Variants in SH3GL3 observed in about 807,000 individuals in gnomAD.
The protein encoded by SH3GL3 is SH3 domain containing GRB2 like 3, endophilin A3.
In SH3GL3, 33 loss-of-function variants were observed where a neutral mutation model predicts 47.7. That is an observed-to-expected ratio of 0.69 (90% CI 0.52 to 0.92). The LOEUF is 0.92. SH3GL3 is among the 40% of genes least tolerant of loss of function. SH3GL3 has a pLI of 0.00. For missense variants in SH3GL3, 363 were observed against 417.8 expected (o/e 0.87, Z 1.14); for synonymous variants, 155 against 148.8 (o/e 1.04, Z -0.30).
At chr15:83,615,712 A>G (rs1653110919) in intron 8 of SH3GL3, among the ~76,000 whole-genome samples, 1 of 152,234 alleles carries the variant, frequency 6.6e-6, no homozygotes, top group South Asian at 2.1e-4. Context: ...AATAGATCTA[A>G]GTCCCATGAT....
chr15:83,482,097 G>C (rs559766266), intron 1 of SH3GL3, among the ~76,000 whole-genome samples: 1 of 152,178 alleles, frequency 6.6e-6, no homozygotes, highest in African/African-American at 2.4e-5. Context: ...TTGCTCTTGT[G>C]ATCTATTAAA....
chr15:83,494,476 T>TTGACCAGGATCCTA (rs2041999768), intron 1 of SH3GL3, among the ~76,000 whole-genome samples: 1 of 152,190 alleles, frequency 6.6e-6, no homozygotes, highest in East Asian at 1.9e-4. Flanking sequence ...TGAGGATCCT[T>TTGACCAGGATCCTA]TGACCAGGGC....
chr15:83,576,789 A>G (rs375296854), intron 6 of SH3GL3, 48 bp downstream of exon 6: 62 of 1,310,878 alleles, frequency 4.7e-5, no homozygotes, highest in Non-Finnish European at 5.9e-5. Context: ...TGAATGAAAC[A>G]TTGAATATAT....
At chr15:83,601,208 C>T (rs1184937645) in intron 8 of SH3GL3, among the ~76,000 whole-genome samples, 1 of 152,280 alleles carries the variant, frequency 6.6e-6, no homozygotes, top group South Asian at 2.1e-4. Flanking sequence ...TGTCTGATTG[C>T]TTTGGCTAGA....
At chr15:83,546,658 T>A (rs185119481) in intron 1 of SH3GL3, among the ~76,000 whole-genome samples, 4 of 152,092 alleles carry the variant, frequency 2.6e-5, no homozygotes, top group Non-Finnish European at 4.4e-5. Flanking sequence ...ACCAGCACAG[T>A]ACTGGGTCTT....
chr15:83,631,613 C>A, the SH3GL3 span, among the ~76,000 whole-genome samples: 22 of 152,236 alleles, frequency 1.4e-4, no homozygotes, highest in Admixed American at 6.5e-5. Flanking sequence ...TGAAGCAACA[C>A]CCTGAGCTGT....
intron 1 of SH3GL3, among the ~76,000 whole-genome samples, chr15:83,530,329 A>G (rs1311237352): frequency 6.6e-6 from 1 of 152,106 alleles, no homozygotes; most frequent in Non-Finnish European, 1.5e-5. Flanking sequence ...ACAGGAGTCA[A>G]TGGTGGGAAT....
chr15:83,478,898 G>A (rs2041216188), intron 1 of SH3GL3, among the ~76,000 whole-genome samples: 2 of 152,218 alleles, frequency 1.3e-5, no homozygotes, highest in South Asian at 4.1e-4. Flanking sequence ...CTCCTGCCTG[G>A]AACAGAAAAT....
intron 1 of SH3GL3, among the ~76,000 whole-genome samples, chr15:83,450,751 A>T (rs1322072430): frequency 2.1e-3 from 83 of 39,374 alleles, no homozygotes; most frequent in Non-Finnish European, 2.6e-3. Flanking sequence ...TTAAAATGGG[A>T]TATTTTTCTT....
intron 2 of SH3GL3, among the ~76,000 whole-genome samples, chr15:83,560,057 AT>A: frequency 6.6e-6 from 1 of 152,316 alleles, no homozygotes; most frequent in Middle Eastern, 3.4e-3. Flanking sequence ...TATTAACAAC[AT>A]ACTGTTTCTT....
chr15:83,488,548 A>G lies in SH3GL3; in HGVS notation c.45+40970A>G, dbSNP rs555978614. Among the ~76,000 whole-genome samples the G allele has an allele frequency of 2.0e-5, 3 of 152,278 alleles. No homozygotes were observed. The South Asian group carries it at 6.2e-4, about 32-fold the overall frequency. On this transcript the variant is annotated intron_variant, in intron 1 of 8. Coordinates refer to ENST00000427482, the MANE Select transcript of SH3GL3 (RefSeq NM_003027.5). ...ATGGTGCTCTTTGTATGAGTTAGAAAAATACGCCTCTTCCTCGACACACTT... is the reference window on the plus strand; with the variant it reads ...ATGGTGCTCTTTGTATGAGTTAGAAGAATACGCCTCTTCCTCGACACACTT...
At chr15:83,462,883 A>G (rs2040371287) in intron 1 of SH3GL3, among the ~76,000 whole-genome samples, 1 of 152,150 alleles carries the variant, frequency 6.6e-6, no homozygotes, top group African/African-American at 2.4e-5. Context: ...GCTGATAATC[A>G]CCTGCCCCTG....
At chr15:83,574,148 G>A (rs2059608453) in intron 5 of SH3GL3, among the ~76,000 whole-genome samples, 3 of 152,144 alleles carry the variant, frequency 2.0e-5, no homozygotes, top group African/African-American at 7.2e-5. Flanking sequence ...TGTAGGGGTG[G>A]GGGTGCAATG....
chr15:83,605,436 T>C (rs577398638), intron 8 of SH3GL3, among the ~76,000 whole-genome samples: 1 of 152,224 alleles, frequency 6.6e-6, no homozygotes, highest in South Asian at 2.1e-4. Context: ...TTGCACATAA[T>C]GTTTATAAAG....
At chr15:83,466,413 A>AATAT (rs58728071) in intron 1 of SH3GL3, among the ~76,000 whole-genome samples, 2,482 of 149,670 alleles carry the variant, frequency 0.017, 23 homozygotes, top group African/African-American at 0.02. Context: ...CAATTGTTAG[A>AATAT]ATATATATAT....
intron 8 of SH3GL3, among the ~76,000 whole-genome samples, chr15:83,613,926 G>A (rs1471723319): frequency 6.6e-6 from 1 of 152,168 alleles, no homozygotes; most frequent in African/African-American, 2.4e-5. Context: ...AACATTCTGT[G>A]TTCAAGGAAA....
chr15:83,520,257 A>T (rs2043151127), intron 1 of SH3GL3, among the ~76,000 whole-genome samples: 1 of 152,180 alleles, frequency 6.6e-6, no homozygotes, highest in Non-Finnish European at 1.5e-5. Flanking sequence ...CAAGTCTGTC[A>T]TTTTCCTTGG....
At chr15:83,498,016 C>G (rs145194823) in intron 1 of SH3GL3, among the ~76,000 whole-genome samples, 138 of 152,142 alleles carry the variant, frequency 9.1e-4, no homozygotes, top group African/African-American at 3.3e-3. Context: ...TCTTGGTCAT[C>G]TAGTCTTTTC....
Position 83,576,621 on chromosome 15 carries a change from C to T in SH3GL3, c.504C>T (p.Tyr168=), listed in dbSNP as rs771950665. The T allele has an allele frequency of 2.0e-5, 33 of 1,610,644 alleles. No individual in the cohort carries two copies. In the East Asian group the frequency reaches 4.7e-4, roughly 23 times the overall value. The change falls in exon 6 of 9, where the codon TAC becomes TAT. Residue 168 remains tyrosine (Y), a synonymous_variant. Coordinates refer to ENST00000427482, the MANE Select transcript of SH3GL3 (RefSeq NM_003027.5). ...AGCTGGAAGGCCGCCGCCTGGATTA[C>T]GATTATAAAAAGAAACGAGTAGGTA... is the stretch of plus-strand genomic sequence containing the variant. ...LKKLEGRRLD[Y]DYKKKRVGKI...
Sources: gnomAD v4.1 joint callset for allele counts (sites outside exome capture counted in the v4.1 genomes callset) on GRCh38, gnomAD v4.1.1 for gene constraint, MANE v1.5 for transcripts, NCBI Gene and HGNC (gene_info 2026-07-23, HGNC 2026-07-21) for gene names.